Variants in EVI5 observed in about 807,000 individuals in gnomAD.
EVI5 encodes the protein ecotropic viral integration site 5.
In EVI5, 73 loss-of-function variants were observed where a neutral mutation model predicts 112.0. That is an observed-to-expected ratio of 0.65 (90% confidence interval 0.54 to 0.79). The LOEUF is 0.79. EVI5 is among the 30% of genes least tolerant of loss of function. The pLI, the probability that EVI5 is intolerant of heterozygous loss-of-function variation, is 0.00. For synonymous variants in EVI5, 305 were observed against 319.9 expected (o/e 0.95, Z 0.50); for missense variants, 900 against 968.8 (o/e 0.93, Z 0.94).
rs1046561280 is a variant in EVI5 at position 92,589,896 on chromosome 1, G to A, written c.2070+15411C>T. The stretch of plus-strand genomic sequence containing the variant: ...GGGCAGACTGACACCTCACACGGCC[G>A]GGTACCCCTCTGAGACAAAGCTTCC... On this transcript the variant is annotated intron_variant, in intron 18 of 19. Coordinates refer to ENST00000684568, the MANE Select transcript of EVI5 (RefSeq NM_001350197.2). 2.0e-5 allele frequency among the ~76,000 whole-genome samples: 3 copies of A among 152,272 alleles called. No homozygotes were observed. In the South Asian group the frequency reaches 6.2e-4, roughly 32 times the overall value.
intron 1 of EVI5, chr1:92,749,215 G>C: frequency 3.0e-6 from 1 of 327,912 alleles, no homozygotes; most frequent in Non-Finnish European, 6.1e-6. Context: ...ACTCTTGCAA[G>C]CAGCTTTTGT....
At chr1:92,577,379 G>A (rs1458201607) in intron 18 of EVI5, among the ~76,000 whole-genome samples, 1 of 152,234 alleles carries the variant, frequency 6.6e-6, no homozygotes, top group African/African-American at 2.4e-5. Context: ...GGGACTGGCA[G>A]CCTGGAAGTT....
intron 13 of EVI5, among the ~76,000 whole-genome samples, chr1:92,647,962 C>T (rs963994148): frequency 1.3e-5 from 2 of 150,862 alleles, no homozygotes; most frequent in African/African-American, 4.9e-5. Flanking sequence ...CCAAGCTGGT[C>T]TCAAACTCCT....
At position 92,736,509 on chromosome 1, in the gene EVI5, T is replaced by C. The variant is rs1337915797; in HGVS notation, c.38A>G (p.His13Arg). 8 of 1,613,742 alleles carry C rather than the reference T, an allele frequency of 5.0e-6. No homozygotes were observed. In the African/African-American group the frequency reaches 8.0e-5, roughly 16 times the overall value. The change falls in exon 2 of 20, where the codon CAT becomes CGT. Residue 13 changes from histidine (H) to arginine (R), a missense_variant. Coordinates refer to ENST00000684568, the MANE Select transcript of EVI5 (RefSeq NM_001350197.2). ...TAGTGTGGTAGATGAGGATGTGGTA[T>C]GTAATGAAGTAGATGGACTTGCCAC... ...SQVASPSTSL[H>R]TTSSSTTLST... is the part of the protein sequence containing the mutation.
chr1:92,523,916 ACT>A (rs1228764801), intron 19 of EVI5, among the ~76,000 whole-genome samples: 1 of 151,616 alleles, frequency 6.6e-6, no homozygotes, highest in East Asian at 1.9e-4. Flanking sequence ...TGAAACCCTG[ACT>A]CTACTAAAAA....
chr1:92,712,807 G>T (rs1191855449), intron 2 of EVI5, among the ~76,000 whole-genome samples: 1 of 151,890 alleles, frequency 6.6e-6, no homozygotes, highest in Non-Finnish European at 1.5e-5. Context: ...TGCTATGGTG[G>T]TAAAATTATA....
chr1:92,787,075 T>C (rs114387595), upstream of EVI5, among the ~76,000 whole-genome samples: 754 of 152,358 alleles, frequency 4.9e-3, no homozygotes, highest in African/African-American at 0.017. Context: ...GGTAGTTATA[T>C]TGGTGAATTT....
intron 19 of EVI5, among the ~76,000 whole-genome samples, chr1:92,552,727 T>G (rs959372944): frequency 6.6e-6 from 1 of 152,178 alleles, no homozygotes; most frequent in African/African-American, 2.4e-5. Context: ...AGAAATCTCT[T>G]AACAAACCCT....
intron 1 of EVI5, among the ~76,000 whole-genome samples, chr1:92,777,336 T>C (rs898155469): frequency 3.3e-5 from 5 of 152,184 alleles, no homozygotes; most frequent in African/African-American, 7.2e-5. Context: ...TCCAGACCCC[T>C]TGCAGAGATC....
chr1:92,659,759 C>A (rs1558013967), intron 13 of EVI5, among the ~76,000 whole-genome samples: 1 of 151,900 alleles, frequency 6.6e-6, no homozygotes, highest in Non-Finnish European at 1.5e-5. Context: ...AAGGAAAAAT[C>A]ATTATATCAA....
At chr1:92,688,367 A>G (rs948920328) in intron 9 of EVI5, among the ~76,000 whole-genome samples, 5 of 152,144 alleles carry the variant, frequency 3.3e-5, no homozygotes, top group Non-Finnish European at 5.9e-5. Context: ...CCTAGAACTT[A>G]AAGTATAATA....
chr1:92,565,657 G>A lies in EVI5; in HGVS notation c.2071-1920C>T, dbSNP rs1024655988. On this transcript the variant is annotated intron_variant, in intron 18 of 19. Transcript: ENST00000684568. ...TACTGTATACTAACATCATTGGCAGGAAGTACCAAATAGAACTGTTCTAGC... is the reference window on the plus strand; with the variant it reads ...TACTGTATACTAACATCATTGGCAGAAAGTACCAAATAGAACTGTTCTAGC... Among the ~76,000 whole-genome samples the A allele has an allele frequency of 3.3e-5, 5 of 151,884 alleles. No homozygotes were observed. The East Asian group carries it at 9.7e-4, about 29-fold the overall frequency.
chr1:92,710,514 T>C (rs1015412871), intron 2 of EVI5, among the ~76,000 whole-genome samples: 3 of 152,200 alleles, frequency 2.0e-5, no homozygotes, highest in South Asian at 2.1e-4. Context: ...CCCTATAGGT[T>C]TGTGTAGCCT....
intron 18 of EVI5, among the ~76,000 whole-genome samples, chr1:92,596,737 G>A (rs914815616): frequency 1.3e-5 from 2 of 152,072 alleles, no homozygotes; most frequent in African/African-American, 2.4e-5. Flanking sequence ...TGGGATTACA[G>A]GTGTGAGCCA....
chr1:92,741,757 G>A (rs1244995962), intron 1 of EVI5, among the ~76,000 whole-genome samples: 2 of 152,048 alleles, frequency 1.3e-5, no homozygotes, highest in Non-Finnish European at 2.9e-5. Context: ...ATTCTATAAA[G>A]TAGGTAATGT....
intron 19 of EVI5, among the ~76,000 whole-genome samples, chr1:92,517,813 T>C (rs1449860634): frequency 6.6e-6 from 1 of 152,212 alleles, no homozygotes; most frequent in Non-Finnish European, 1.5e-5. Context: ...TTGAAATCTC[T>C]TTGGGCTTAT....
At chr1:92,790,346 C>T (rs1685998055) in intron 1 of EVI5, among the ~76,000 whole-genome samples, 1 of 152,072 alleles carries the variant, frequency 6.6e-6, no homozygotes, top group African/African-American at 2.4e-5. Flanking sequence ...TTCATAGTCA[C>T]ACTCACATAG....
In EVI5 at chr1:92,785,080, G is replaced by T; in HGVS notation, c.-326C>A. The T allele has an allele frequency of 1.0e-6, 1 of 985,458 alleles. No individual in the cohort carries two copies. Among genetic ancestry groups the T allele is most frequent in the Non-Finnish European group, 1.2e-6 (1 of 830,016 alleles). 61.0% of individuals were successfully genotyped at this position (985,458 alleles called of 1,614,324 possible). On this transcript the variant is annotated 5_prime_UTR_variant, in exon 1 of 20. Coordinates refer to ENST00000684568, the MANE Select transcript of EVI5 (RefSeq NM_001350197.2). Reference sequence around the variant, plus strand: ...CCAGCTGGCCAGCTGGTTCCTCCGGGGTCCGGCCCGGCCGCGTCAGGAGAG... The same window carrying T: ...CCAGCTGGCCAGCTGGTTCCTCCGGTGTCCGGCCCGGCCGCGTCAGGAGAG...
intron 14 of EVI5, among the ~76,000 whole-genome samples, chr1:92,632,484 T>C (rs549519516): frequency 2.0e-5 from 3 of 152,360 alleles, no homozygotes; most frequent in Admixed American, 2.0e-4. Flanking sequence ...TATAGTATGC[T>C]CTGATGGTAG....
Sources: allele counts gnomAD v4.1 joint callset (sites outside exome capture counted in the v4.1 genomes callset), GRCh38; gene constraint gnomAD v4.1.1; transcripts MANE v1.5; gene names NCBI Gene and HGNC (gene_info 2026-07-23, HGNC 2026-07-21).